The following CACNG4 variants were observed in gnomAD, a reference collection of about 807,000 sequenced individuals.
CACNG4 encodes the protein calcium voltage-gated channel auxiliary subunit gamma 4.
Under a neutral mutation model 22.9 loss-of-function variants are expected in CACNG4, and 8 were observed. That is an observed-to-expected ratio of 0.35 (90% CI 0.21 to 0.63). CACNG4 has a LOEUF of 0.63. Among genes scored for constraint, CACNG4 ranks in the 30% least tolerant of loss-of-function variants. The pLI is 0.72. For synonymous variants in CACNG4, 188 were observed against 191.9 expected (o/e 0.98, Z 0.17); for missense variants, 357 against 455.4 (o/e 0.78, Z 1.97).
chr17:66,995,122 C>A (rs2035366060), intron 1 of CACNG4, among the ~76,000 whole-genome samples: 1 of 152,160 alleles, frequency 6.6e-6, no homozygotes, highest in Non-Finnish European at 1.5e-5. Context: ...ATATTCAGGC[C>A]TCCGTGGAGG....
rs889704461 is a variant in CACNG4 at position 67,031,552 on chromosome 17, ACT to A, written c.*551_*552del. On this transcript the variant is annotated 3_prime_UTR_variant, in exon 4 of 4. Transcript: ENST00000262138. The surrounding 1 kb of genome is among the most constrained non-coding windows in gnomAD (Gnocchi z 4.0). ...CTCTCCATCTCTCCCTCTCTCCAAGACTCTGGCAGTGGCCTATGATCCTGAAG... is the reference window on the plus strand; with the variant it reads ...CTCTCCATCTCTCCCTCTCTCCAAGACTGGCAGTGGCCTATGATCCTGAAG... 6.6e-6 allele frequency: 3 copies of A among 456,666 alleles called. No individual in the cohort carries two copies. In the Admixed American group the frequency reaches 7.1e-5, roughly 11 times the overall value. 28.3% of individuals were successfully genotyped at this position (456,666 alleles called of 1,614,324 possible). A position where few individuals can be genotyped will look rare whatever the true frequency, so the allele number is the denominator to read the frequency against.
chr17:66,997,681 G>A (rs993043838), intron 1 of CACNG4, among the ~76,000 whole-genome samples: 42 of 152,164 alleles, frequency 2.8e-4, no homozygotes, highest in African/African-American at 9.9e-4. Flanking sequence ...GCTGGGCGTG[G>A]TAGCACACGG....
chr17:67,022,207 T>C (rs1227914641), intron 2 of CACNG4, among the ~76,000 whole-genome samples: 1 of 152,060 alleles, frequency 6.6e-6, no homozygotes, highest in African/African-American at 2.4e-5. Flanking sequence ...CCTGAATCGC[T>C]GGGATTACAG....
intron 1 of CACNG4, among the ~76,000 whole-genome samples, chr17:67,004,517 C>A (rs971816797): frequency 3.3e-5 from 5 of 152,102 alleles, no homozygotes; most frequent in Non-Finnish European, 4.4e-5. Flanking sequence ...TTCCCTGGAG[C>A]CCTGTGGTCT....
intron 1 of CACNG4, among the ~76,000 whole-genome samples, chr17:66,974,917 T>TTGCGGTGCATGGGC (rs1400371499): frequency 6.6e-6 from 1 of 151,986 alleles, no homozygotes; most frequent in Non-Finnish European, 1.5e-5. Flanking sequence ...TTGCAAGGGC[T>TTGCGGTGCATGGGC]TTGGACTTTA....
chr17:67,001,106 G>T (rs865900272), intron 1 of CACNG4, among the ~76,000 whole-genome samples: 1 of 151,982 alleles, frequency 6.6e-6, no homozygotes, highest in African/African-American at 2.4e-5. Context: ...TAAGTCTCAC[G>T]AGATCAATGG....
intron 1 of CACNG4, among the ~76,000 whole-genome samples, chr17:66,994,143 C>G (rs2035359135): frequency 6.6e-6 from 1 of 151,942 alleles, no homozygotes; most frequent in Non-Finnish European, 1.5e-5. Context: ...CCAGCCTGGG[C>G]AACATGGTGA....
chr17:66,966,848 G>C (rs2035173939), intron 1 of CACNG4, among the ~76,000 whole-genome samples: 1 of 152,174 alleles, frequency 6.6e-6, no homozygotes. Flanking sequence ...ATCATTTTTA[G>C]TGTGCAATTG....
chr17:67,001,164 T>C (rs1188648310), intron 1 of CACNG4, among the ~76,000 whole-genome samples: 1 of 152,200 alleles, frequency 6.6e-6, no homozygotes, highest in Non-Finnish European at 1.5e-5. Context: ...CCTGCTGCCA[T>C]GTAAGATGTG....
intron 1 of CACNG4, 49 bp downstream of exon 1, chr17:66,965,180 A>ACACC: frequency 9.5e-7 from 1 of 1,057,712 alleles, no homozygotes; most frequent in Non-Finnish European, 1.3e-6. Context: ...ACACACACAC[A>ACACC]CACACATATA....
chr17:67,024,075 C>T (rs1311307279), intron 2 of CACNG4, among the ~76,000 whole-genome samples: 1 of 152,154 alleles, frequency 6.6e-6, no homozygotes, highest in Non-Finnish European at 1.5e-5. Flanking sequence ...GTGGCAGAGC[C>T]CTGGTGTCAG....
At chr17:66,968,051 G>A (rs923332231) in intron 1 of CACNG4, among the ~76,000 whole-genome samples, 3 of 152,182 alleles carry the variant, frequency 2.0e-5, no homozygotes, top group Admixed American at 6.5e-5. Flanking sequence ...TTACCGCGTG[G>A]CCTGCCCATG....
At chr17:66,970,349 G>A (rs978005875) in intron 1 of CACNG4, among the ~76,000 whole-genome samples, 2 of 152,132 alleles carry the variant, frequency 1.3e-5, no homozygotes, top group Admixed American at 6.5e-5. Flanking sequence ...TGATAGACTG[G>A]GTGGTTTAGA....
chr17:67,017,406 C>A (rs781331222), intron 1 of CACNG4, among the ~76,000 whole-genome samples: 1 of 152,032 alleles, frequency 6.6e-6, no homozygotes, highest in Non-Finnish European at 1.5e-5. Flanking sequence ...GGGAAAGACA[C>A]AGACAGACAG....
chr17:66,977,125 T>G (rs904999446), intron 1 of CACNG4, among the ~76,000 whole-genome samples: 2 of 152,054 alleles, frequency 1.3e-5, no homozygotes, highest in Non-Finnish European at 2.9e-5. Flanking sequence ...CTCTGTCATC[T>G]CTCGCCTGGA....
intron 1 of CACNG4, among the ~76,000 whole-genome samples, chr17:66,974,280 G>C (rs2035222581): frequency 6.6e-6 from 1 of 152,144 alleles, no homozygotes; most frequent in African/African-American, 2.4e-5. Context: ...GTGTTCACAG[G>C]GGGCATACAA....
At chr17:67,026,132 C>G (rs1382316591) in intron 3 of CACNG4, among the ~76,000 whole-genome samples, 2 of 138,684 alleles carry the variant, frequency 1.4e-5, no homozygotes, top group African/African-American at 5.6e-5. Flanking sequence ...TATTTGAGGA[C>G]TGTGGTGTGT....
At chr17:66,992,422 G>T (rs1465107310) in intron 1 of CACNG4, among the ~76,000 whole-genome samples, 1 of 152,170 alleles carries the variant, frequency 6.6e-6, no homozygotes, top group Non-Finnish European at 1.5e-5. Flanking sequence ...CCTAGCACTG[G>T]TTCTCCCAGG....
intron 3 of CACNG4, among the ~76,000 whole-genome samples, chr17:67,029,196 G>A (rs2035586055): frequency 6.6e-6 from 1 of 152,128 alleles, no homozygotes; most frequent in Non-Finnish European, 1.5e-5. Context: ...CCCAGGCATG[G>A]TGGTGCGTGC....
Sources: allele counts gnomAD v4.1 joint callset (sites outside exome capture counted in the v4.1 genomes callset), GRCh38; gene constraint gnomAD v4.1.1; non-coding constraint Gnocchi (gnomAD v3.1); transcripts MANE v1.5; gene names NCBI Gene and HGNC (gene_info 2026-07-23, HGNC 2026-07-21).